Variants in STK38L observed in about 807,000 individuals in gnomAD.
STK38L encodes serine/threonine kinase 38 like.
STK38L carries 28 observed loss-of-function variants against 59.7 expected under a neutral mutation model. That is an observed-to-expected ratio of 0.47 (90% CI 0.35 to 0.64). The LOEUF (loss-of-function observed/expected upper bound fraction) is 0.64. STK38L is among the 30% of genes least tolerant of loss of function. STK38L has a pLI of 0.01. For missense variants in STK38L, 314 were observed against 555.8 expected (o/e 0.56, Z 4.37); for synonymous variants, 162 against 176.8 (o/e 0.92, Z 0.66).
rs141975730 is a variant in STK38L at position 27,290,365 on chromosome 12, G to A, written c.-11-7345G>A. 7.1e-3 allele frequency among the ~76,000 whole-genome samples: 1,081 copies of A among 152,278 alleles called. 14 individuals carry two copies. The highest frequency in any genetic ancestry group is 0.028 in the South Asian group (134 of 4,822). On this transcript the variant is annotated intron_variant, in intron 1 of 13. Coordinates refer to ENST00000389032, the MANE Select transcript of STK38L (RefSeq NM_015000.4). ...TCCTGTGCTCTGCCACCATCAAAGC[G>A]TCATATCAACCTTATAAGGTTGGCA...
chr12:27,315,683 C>A (rs1446025195), intron 9 of STK38L, among the ~76,000 whole-genome samples: 1 of 152,156 alleles, frequency 6.6e-6, no homozygotes. Flanking sequence ...TTTTTCATAA[C>A]TGTGTTACAA....
At chr12:27,305,163 A>T (rs187335457) in intron 3 of STK38L, among the ~76,000 whole-genome samples, 1 of 152,236 alleles carries the variant, frequency 6.6e-6, no homozygotes, top group Non-Finnish European at 1.5e-5. Context: ...GAAGCTAGTA[A>T]TCTGGACTTT....
chr12:27,298,609 A>G (rs562126054), intron 2 of STK38L, among the ~76,000 whole-genome samples: 39 of 152,328 alleles, frequency 2.6e-4, no homozygotes, highest in African/African-American at 9.4e-4. Flanking sequence ...AGTGAAGAAT[A>G]TTAAGTACAA....
chr12:27,321,698 AGAAT>A (rs1191719969), intron 12 of STK38L, among the ~76,000 whole-genome samples: 5 of 152,240 alleles, frequency 3.3e-5, no homozygotes, highest in African/African-American at 1.2e-4. Context: ...CAAAAAAAAT[AGAAT>A]GAATAAGACC....
chr12:27,270,382 A>T (rs537609984), intron 1 of STK38L, among the ~76,000 whole-genome samples: 1 of 150,798 alleles, frequency 6.6e-6, no homozygotes, highest in South Asian at 2.1e-4. Flanking sequence ...ATTGATTCTT[A>T]TTTATTTATT....
Position 27,322,078 on chromosome 12 carries a change from G to T in STK38L, c.1176-65G>T, listed in dbSNP as rs558158809. ...GAATAGTATGCAGAATTTACAAGTA[G>T]AATTATTTGTTGGAAATTGAGAGTT... On this transcript the variant is annotated intron_variant, in intron 12 of 13. Transcript: ENST00000389032. 96 of 1,401,964 alleles carry T rather than the reference G, an allele frequency of 6.8e-5. 1 individual carries two copies. The South Asian group carries it at 1.1e-3, about 16-fold the overall frequency. 86.8% of individuals were successfully genotyped at this position (1,401,964 alleles called of 1,614,324 possible).
In STK38L at chr12:27,297,737, G is replaced by T. The variant is rs1392192254; in HGVS notation, c.17G>T (p.Gly6Val). The T allele has an allele frequency of 1.2e-6, 2 of 1,613,508 alleles. No homozygotes were observed. The highest frequency in any genetic ancestry group is 3.3e-5 in the Admixed American group (2 of 59,956). ...TCCGTTACTATGGCAATGACGGCAG[G>T]GACTACAACAACCTTTCCTATGAGC... MAMTA[G>V]TTTTFPMSNH... The change falls in exon 2 of 14, where the codon GGG becomes GTG. Residue 6 changes from glycine (G) to valine (V), a missense_variant. This residue lies in a region of STK38L where 192 missense variants were observed against 316.9 expected (regional missense o/e 0.61). Coordinates refer to ENST00000389032, the MANE Select transcript of STK38L (RefSeq NM_015000.4).
intron 2 of STK38L, 118 bp from the exon 3 acceptor site, chr12:27,302,019 T>A: frequency 9.6e-6 from 2 of 207,400 alleles, no homozygotes; most frequent in Non-Finnish European, 1.7e-5. Flanking sequence ...AACTTGAAAG[T>A]TTTTTTTTTT....
At chr12:27,321,603 AT>A (rs1944729568) in intron 12 of STK38L, among the ~76,000 whole-genome samples, 1 of 152,122 alleles carries the variant, frequency 6.6e-6, no homozygotes, top group South Asian at 2.1e-4. Flanking sequence ...TCATTAGCTC[AT>A]TTTTCCACTT....
intron 1 of STK38L, among the ~76,000 whole-genome samples, chr12:27,244,870 A>G (rs1591835226): frequency 6.6e-6 from 1 of 152,192 alleles, no homozygotes; most frequent in African/African-American, 2.4e-5. Context: ...GCTCAAAACC[A>G]GTCTTAGAAT....
chr12:27,306,744 CACACACACAT>C (rs1272610560), intron 3 of STK38L, among the ~76,000 whole-genome samples: 2 of 151,758 alleles, frequency 1.3e-5, no homozygotes, highest in African/African-American at 4.8e-5. Context: ...CACACACACA[CACACACACAT>C]ATATTTGAGA....
chr12:27,269,708 T>A (rs57779052), intron 1 of STK38L, among the ~76,000 whole-genome samples: 7,481 of 152,292 alleles, frequency 0.049, 558 homozygotes, highest in East Asian at 0.39. Context: ...AATGGCGTGA[T>A]CTTGGCTCAC....
chr12:27,292,622 G>A (rs1322267418), intron 1 of STK38L, among the ~76,000 whole-genome samples: 1 of 151,368 alleles, frequency 6.6e-6, no homozygotes, highest in Non-Finnish European at 1.5e-5. Flanking sequence ...TGCCTACTGT[G>A]TGCTCATCAC....
intron 1 of STK38L, among the ~76,000 whole-genome samples, chr12:27,272,076 CT>C (rs1334884126): frequency 6.6e-5 from 10 of 152,186 alleles, no homozygotes; most frequent in Admixed American, 2.0e-4. Context: ...CAAAAAGCAA[CT>C]TTCATTAAGT....
chr12:27,296,951 G>T (rs1044069530), intron 1 of STK38L: 3 of 152,192 alleles, frequency 2.0e-5, no homozygotes, highest in Admixed American at 1.3e-4. Flanking sequence ...GACATACATT[G>T]TCCACTTAAG....
chr12:27,294,464 G>A (rs1242559323), intron 1 of STK38L, among the ~76,000 whole-genome samples: 1 of 143,698 alleles, frequency 7.0e-6, no homozygotes, highest in East Asian at 2.1e-4. Flanking sequence ...CCGAGATCAC[G>A]CCACTGCATT....
chr12:27,245,429 T>C (rs1056550173), intron 1 of STK38L, among the ~76,000 whole-genome samples: 11 of 152,240 alleles, frequency 7.2e-5, no homozygotes, highest in Non-Finnish European at 1.0e-4. Context: ...TTGTCTTTTT[T>C]GGCGCTGGGG....
chr12:27,275,342 CT>C (rs34162442), intron 1 of STK38L, among the ~76,000 whole-genome samples: 69 of 124,762 alleles, frequency 5.5e-4, no homozygotes, highest in Admixed American at 1.2e-3. Context: ...TAGACTGCAT[CT>C]TTTTTTTTTT....
Position 27,308,095 on chromosome 12 carries a change from C to CATAT in STK38L, c.187-232_187-229dup, listed in dbSNP as rs60309554. Among the ~76,000 whole-genome samples the CATAT allele has an allele frequency of 0.4, 60,415 of 149,788 alleles. 12,202 individuals are homozygous for CATAT. Among genetic ancestry groups the CATAT allele is most frequent in the Admixed American group, 0.48 (7,184 of 15,032 alleles). On this transcript the variant is annotated intron_variant, in intron 3 of 13. Transcript: ENST00000389032. The surrounding 1 kb of genome is among the most constrained non-coding windows in gnomAD (Gnocchi z 4.5). ...CATATAGATGAAAGAATAAGTTATACATATATATATATATAGACAAATATG... is the reference window on the plus strand; with the variant it reads ...CATATAGATGAAAGAATAAGTTATACATATATATATATATATATAGACAAATATG...
Sources: gnomAD v4.1 joint callset for allele counts (sites outside exome capture counted in the v4.1 genomes callset) on GRCh38, gnomAD v4.1.1 for gene constraint, gnomAD v4.1.1 regional missense constraint, Gnocchi (gnomAD v3.1) non-coding constraint, MANE v1.5 for transcripts, NCBI Gene and HGNC (gene_info 2026-07-23, HGNC 2026-07-21) for gene names.